NOTCH2NLC: variants seen among roughly 807,000 people sequenced by gnomAD.
NOTCH2NLC encodes notch homolog 2 N-terminal-like protein C.
A neutral mutation model predicts 17.7 loss-of-function variants in NOTCH2NLC; 4 were observed. That is an observed-to-expected ratio of 0.23 (90% CI 0.11 to 0.52). The LOEUF (loss-of-function observed/expected upper bound fraction) is 0.52, where lower values mean the gene tolerates loss of function less well. NOTCH2NLC is among the 20% of genes least tolerant of loss of function. The pLI, the probability that NOTCH2NLC is intolerant of heterozygous loss-of-function variation, is 0.96. For synonymous variants in NOTCH2NLC, 18 were observed against 86.0 expected (o/e 0.21, Z 4.38); for missense variants, 57 against 207.2 (o/e 0.28, Z 4.45).
chr1:149,448,882 A>T (rs1357988252), intron 2 of NOTCH2NLC, among the ~76,000 whole-genome samples: 7 of 129,296 alleles, frequency 5.4e-5, no homozygotes, highest in East Asian at 5.9e-4. Flanking sequence ...CTAGCTGTGA[A>T]TTTTTTTTTT....
At position 149,466,352 on chromosome 1, in the gene NOTCH2NLC, A is replaced by G. The variant is rs1230266109; in HGVS notation, c.*2199A>G. The G allele has an allele frequency of 1.4e-5, 2 of 146,116 alleles. No homozygotes were observed. Among genetic ancestry groups the G allele is most frequent in the African/African-American group, 5.0e-5 (2 of 39,762 alleles). 9.1% of individuals were successfully genotyped at this position (146,116 alleles called of 1,614,324 possible). On this transcript the variant is annotated 3_prime_UTR_variant, in exon 5 of 5. Transcript: ENST00000650865. ...ACTAGTTCTTGCTTTTCAGGGTCCC[A>G]TAATCTAAACCAGATGACTTCAGCT...
rs2084407361 is a variant in NOTCH2NLC, at chr1:149,425,392, C to G, written c.136-5550C>G. 1.4e-4 allele frequency among the ~76,000 whole-genome samples: 21 copies of G among 151,106 alleles called. No individual in the cohort carries two copies. The South Asian group carries it at 4.0e-3, about 29-fold the overall frequency. ...TGAGGAAGGCAGAAATCAGTGGAAG[C>G]ACAGACATGCGTGGAGGAATGGAAC... On this transcript the variant is annotated intron_variant, in intron 1 of 4. Transcript: ENST00000650865.
chr1:149,417,302 G>A lies in NOTCH2NLC; in HGVS notation c.136-13640G>A, dbSNP rs1373448294. Among the ~76,000 whole-genome samples, 4 of 150,354 alleles carry A rather than the reference G, an allele frequency of 2.7e-5. 1 individual carries two copies. The highest frequency in any genetic ancestry group is 5.9e-5 in the Non-Finnish European group (4 of 67,314). On this transcript the variant is annotated intron_variant, in intron 1 of 4. Transcript: ENST00000650865. Reference sequence around the variant, plus strand: ...TTTTTGTATTTTCAGTAGAGACGGGGTTTCACCGTGTTAGCCAGGATGGTC... The same window carrying A: ...TTTTTGTATTTTCAGTAGAGACGGGATTTCACCGTGTTAGCCAGGATGGTC...
intron 3 of NOTCH2NLC, among the ~76,000 whole-genome samples, chr1:149,460,333 CT>C (rs1226789458): frequency 6.3e-3 from 587 of 92,946 alleles, no homozygotes; most frequent in Non-Finnish European, 7.8e-3. Flanking sequence ...TTCTGATCAC[CT>C]TTTTTTTTTT....
chr1:149,393,761 T>A (rs1456334738), intron 1 of NOTCH2NLC, among the ~76,000 whole-genome samples: 6 of 129,520 alleles, frequency 4.6e-5, no homozygotes, highest in Non-Finnish European at 9.7e-5. Flanking sequence ...TTTTTTTTGG[T>A]GTGGTGGAGA....
rs2084657419 is a variant in NOTCH2NLC at position 149,462,819 on chromosome 1, C to G, written c.470-672C>G. Among the ~76,000 whole-genome samples the G allele has an allele frequency of 1.4e-5, 2 of 143,720 alleles. 1 individual carries two copies. Among genetic ancestry groups the G allele is most frequent in the Non-Finnish European group, 3.0e-5 (2 of 66,066 alleles). The allele number at this position is 143,720 out of a possible 152,430, so 94.3% of individuals were successfully genotyped here. On this transcript the variant is annotated intron_variant, in intron 3 of 4. Transcript: ENST00000650865. ...AGATAGGGAGAGTTCACTAGGAAAA[C>G]AGACGGGAAGTTGATTTTTTTTTTT...
At chr1:149,462,185 G>A (rs2084654340) in intron 3 of NOTCH2NLC, among the ~76,000 whole-genome samples, 1 of 149,282 alleles carries the variant, frequency 6.7e-6, no homozygotes, top group Admixed American at 6.7e-5. Flanking sequence ...TAAATAATAA[G>A]CGACTTAGAC....
chr1:149,402,271 G>T (rs1157719565), intron 1 of NOTCH2NLC, among the ~76,000 whole-genome samples: 4 of 150,500 alleles, frequency 2.7e-5, no homozygotes, highest in Non-Finnish European at 5.9e-5. Context: ...AGTAGAGACG[G>T]GGTTTCTCTA....
chr1:149,460,889 TTCTTTCTTTC>T (rs1444994258), intron 3 of NOTCH2NLC, among the ~76,000 whole-genome samples: 15 of 135,558 alleles, frequency 1.1e-4, no homozygotes, highest in Non-Finnish European at 2.1e-4. Context: ...CTTTCTTTCT[TTCTTTCTTTC>T]TTTCTTTCTT....
At chr1:149,419,039 C>T (rs1246511238) in intron 1 of NOTCH2NLC, among the ~76,000 whole-genome samples, 2 of 148,806 alleles carry the variant, frequency 1.3e-5, no homozygotes, top group South Asian at 2.1e-4. Flanking sequence ...CCTCTCTCTC[C>T]TTTCTTTTTT....
At chr1:149,445,567 G>C (rs2084545597) in intron 2 of NOTCH2NLC, among the ~76,000 whole-genome samples, 1 of 150,128 alleles carries the variant, frequency 6.7e-6, no homozygotes, top group South Asian at 2.1e-4. Flanking sequence ...CCCCTCTAGA[G>C]CTCAGCTAGG....
In NOTCH2NLC at chr1:149,410,915, TAAGGAGAAGCAGA is replaced by T. The variant is rs1169678739; in HGVS notation, c.135+19994_135+20006del. 2.0e-5 allele frequency among the ~76,000 whole-genome samples: 3 copies of T among 146,394 alleles called. No individual in the cohort carries two copies. The East Asian group carries it at 6.2e-4, about 30-fold the overall frequency. On this transcript the variant is annotated intron_variant, in intron 1 of 4. Coordinates refer to ENST00000650865, the MANE Select transcript of NOTCH2NLC (RefSeq NM_001364013.2). ...CAGCAATTAGGCTTTATTGGTGCAC[TAAGGAGAAGCAGA>T]GAGGAGAAGCAATTCTTGGTAACTT...
chr1:149,460,378 C>T (rs1261424049), intron 3 of NOTCH2NLC, among the ~76,000 whole-genome samples: 1 of 106,134 alleles, frequency 9.4e-6, no homozygotes, highest in Non-Finnish European at 1.8e-5. Context: ...ATTGCTTTGT[C>T]ATCCAGGCTG....
intron 1 of NOTCH2NLC, among the ~76,000 whole-genome samples, chr1:149,392,756 T>A: frequency 6.6e-6 from 1 of 151,228 alleles, no homozygotes; most frequent in East Asian, 2.0e-4. Context: ...GAATAATAAA[T>A]ATGATTGTAA....
intron 1 of NOTCH2NLC, among the ~76,000 whole-genome samples, chr1:149,400,081 A>C (rs2084234049): frequency 6.8e-6 from 1 of 146,010 alleles, no homozygotes; most frequent in African/African-American, 2.5e-5. Flanking sequence ...TTGGTTTTTT[A>C]CCCTTAGATT....
chr1:149,394,555 T>C (rs2084194605), intron 1 of NOTCH2NLC, among the ~76,000 whole-genome samples: 1 of 151,294 alleles, frequency 6.6e-6, no homozygotes, highest in Non-Finnish European at 1.5e-5. Flanking sequence ...TCTTCTGTTA[T>C]CTCGTTTTCC....
chr1:149,393,160 C>G (rs1334097725), intron 1 of NOTCH2NLC, among the ~76,000 whole-genome samples: 1 of 149,806 alleles, frequency 6.7e-6, no homozygotes, highest in East Asian at 2.0e-4. Flanking sequence ...TATAGGATCT[C>G]AGTGCATAAA....
chr1:149,430,369 G>A (rs1217919269), intron 1 of NOTCH2NLC, among the ~76,000 whole-genome samples: 87 of 131,350 alleles, frequency 6.6e-4, no homozygotes, highest in Middle Eastern at 3.9e-3. Context: ...ATGTTTATTC[G>A]TTTATTTATG....
At chr1:149,418,184 C>CTTT in intron 1 of NOTCH2NLC, among the ~76,000 whole-genome samples, 2 of 140,992 alleles carry the variant, frequency 1.4e-5, no homozygotes, top group Non-Finnish European at 3.1e-5. Context: ...GTATTTGAAA[C>CTTT]TTTATGTGGT....
Sources: gnomAD v4.1 joint callset for allele counts (sites outside exome capture counted in the v4.1 genomes callset) on GRCh38, gnomAD v4.1.1 for gene constraint, MANE v1.5 for transcripts, NCBI Gene and HGNC (gene_info 2026-07-23, HGNC 2026-07-21) for gene names.